The following UBE2E2 variants were observed in gnomAD, a reference collection of about 807,000 sequenced individuals.
UBE2E2 encodes the protein ubiquitin-conjugating enzyme E2 E2.
A neutral mutation model predicts 24.7 loss-of-function variants in UBE2E2; 6 were observed. The ratio of observed to expected loss-of-function variants is 0.24; its 90% CI spans 0.13 to 0.48. The LOEUF (loss-of-function observed/expected upper bound fraction) is 0.48. Ranked by LOEUF, UBE2E2 falls within the 20% of genes least tolerant of loss-of-function variation. The pLI, the probability that UBE2E2 is intolerant of heterozygous loss-of-function variation, is 0.99. For synonymous variants in UBE2E2, 104 were observed against 83.6 expected (o/e 1.24, Z -1.33); for missense variants, 169 against 245.0 (o/e 0.69, Z 2.07).
At chr3:23,575,976 T>C (rs901481676) in intron 5 of UBE2E2, among the ~76,000 whole-genome samples, 10 of 152,114 alleles carry the variant, frequency 6.6e-5, no homozygotes, top group African/African-American at 2.2e-4. Context: ...CAGAAGAAAA[T>C]GCGAGTTGCA....
At chr3:23,333,199 A>G (rs1172653952) in intron 3 of UBE2E2, among the ~76,000 whole-genome samples, 1 of 152,194 alleles carries the variant, frequency 6.6e-6, no homozygotes, top group African/African-American at 2.4e-5. Flanking sequence ...GAGGCATGTC[A>G]AATGCAGAGA....
chr3:23,577,193 TA>T (rs1213082737), intron 5 of UBE2E2, among the ~76,000 whole-genome samples: 3 of 152,036 alleles, frequency 2.0e-5, no homozygotes, highest in African/African-American at 4.8e-5. Flanking sequence ...TAATTAAGCT[TA>T]TTGAGGAAAG....
chr3:23,251,433 A>C (rs1697571563), intron 3 of UBE2E2, among the ~76,000 whole-genome samples: 1 of 152,202 alleles, frequency 6.6e-6, no homozygotes, highest in Non-Finnish European at 1.5e-5. Flanking sequence ...TTAATCATAC[A>C]TTTACATTCG....
intron 4 of UBE2E2, among the ~76,000 whole-genome samples, chr3:23,503,456 GC>G (rs1396500502): frequency 6.6e-6 from 1 of 151,974 alleles, no homozygotes; most frequent in East Asian, 1.9e-4. Flanking sequence ...CTCCCAAGGT[GC>G]TGGATTACAA....
chr3:23,371,145 T>G (rs1696389430), intron 3 of UBE2E2, among the ~76,000 whole-genome samples: 1 of 152,144 alleles, frequency 6.6e-6, no homozygotes. Context: ...TCCTCCCATT[T>G]CAGCATCCCA....
At chr3:23,241,334 C>CAA (rs1181463260) in intron 3 of UBE2E2, among the ~76,000 whole-genome samples, 2 of 152,186 alleles carry the variant, frequency 1.3e-5, no homozygotes, top group African/African-American at 2.4e-5. Flanking sequence ...CTCCCTTCTT[C>CAA]CATCCTTCCT....
chr3:23,519,206 A>T (rs1041945834), intron 4 of UBE2E2, among the ~76,000 whole-genome samples: 4 of 152,068 alleles, frequency 2.6e-5, no homozygotes, highest in Non-Finnish European at 4.4e-5. Context: ...CTCAAATAGA[A>T]ATAACTAGCT....
At chr3:23,464,276 C>T (rs1195000166) in intron 3 of UBE2E2, among the ~76,000 whole-genome samples, 1 of 151,986 alleles carries the variant, frequency 6.6e-6, no homozygotes, top group East Asian at 1.9e-4. Flanking sequence ...GAGACAAAAC[C>T]AGTAACTTAC....
intron 3 of UBE2E2, among the ~76,000 whole-genome samples, chr3:23,353,688 A>G (rs1271435269): frequency 6.6e-6 from 1 of 152,018 alleles, no homozygotes; most frequent in East Asian, 1.9e-4. Context: ...AGGGATGTGA[A>G]GGACCGCTTC....
chr3:23,499,401 T>A (rs1409635380), intron 3 of UBE2E2, among the ~76,000 whole-genome samples: 1 of 152,224 alleles, frequency 6.6e-6, no homozygotes, highest in Non-Finnish European at 1.5e-5. Context: ...CAAAAGAGGA[T>A]CTTGGTGTTC....
chr3:23,330,014 A>G (rs1436074706), intron 3 of UBE2E2, among the ~76,000 whole-genome samples: 3 of 152,178 alleles, frequency 2.0e-5, no homozygotes, highest in African/African-American at 7.2e-5. Flanking sequence ...AAAAACAGGA[A>G]TCTTGTTAAA....
At chr3:23,534,372 T>A (rs1321280476) in intron 5 of UBE2E2, 2 of 355,572 alleles carry the variant, frequency 5.6e-6, no homozygotes, top group Non-Finnish European at 7.9e-6. Context: ...AAATGCATTC[T>A]GCAAAAACTT....
At chr3:23,238,068 C>G (rs12330262) in intron 3 of UBE2E2, among the ~76,000 whole-genome samples, 1 of 151,946 alleles carries the variant, frequency 6.6e-6, no homozygotes, top group South Asian at 2.1e-4. Flanking sequence ...CTGTGGGGAC[C>G]TGGAATAAAT....
At chr3:23,223,334 A>T (rs1419525661) in intron 3 of UBE2E2, among the ~76,000 whole-genome samples, 2 of 151,810 alleles carry the variant, frequency 1.3e-5, no homozygotes, top group East Asian at 3.9e-4. Context: ...CTGGGATTAG[A>T]GGCATGCACC....
At chr3:23,268,624 T>C (rs199810372) in intron 3 of UBE2E2, among the ~76,000 whole-genome samples, 4,339 of 147,886 alleles carry the variant, frequency 0.029, 112 homozygotes, top group East Asian at 0.13. Flanking sequence ...ATGGCCATAC[T>C]GCCCAAGGTA....
At chr3:23,204,567 A>G (rs1425282198) in intron 1 of UBE2E2, 1 of 383,064 alleles carries the variant, frequency 2.6e-6, no homozygotes, top group Non-Finnish European at 3.6e-6. Context: ...GTGAATCTAA[A>G]TATTTGCCTT....
intron 3 of UBE2E2, among the ~76,000 whole-genome samples, chr3:23,256,118 T>C (rs959421908): frequency 1.3e-5 from 2 of 152,240 alleles, no homozygotes; most frequent in Admixed American, 6.5e-5. Context: ...TCCTGCTCTT[T>C]AGAATAAAGC....
intron 5 of UBE2E2, among the ~76,000 whole-genome samples, chr3:23,535,367 G>A (rs1381609950): frequency 6.6e-6 from 1 of 152,230 alleles, no homozygotes; most frequent in African/African-American, 2.4e-5. Context: ...ATTTAACTGG[G>A]GAGATAGTAT....
rs79454101 is a variant in UBE2E2, at chr3:23,499,765, T to G, written c.360+25T>G. 6.8e-3 allele frequency: 10,972 copies of G among 1,607,746 alleles called. 619 individuals carry two copies. The African/African-American group carries it at 0.12, about 18-fold the overall frequency. On this transcript the variant is annotated intron_variant, in intron 4 of 5. Coordinates refer to ENST00000396703, the MANE Select transcript of UBE2E2 (RefSeq NM_152653.4). ...GGTCAGTATGAAGTTTTCATTGATT[T>G]TTAGCAATATGGATTATATTTCTAG...
Sources: gnomAD v4.1 joint callset for allele counts (sites outside exome capture counted in the v4.1 genomes callset) on GRCh38, gnomAD v4.1.1 for gene constraint, MANE v1.5 for transcripts, NCBI Gene and HGNC (gene_info 2026-07-23, HGNC 2026-07-21) for gene names.